The following ANKFN1 variants were observed in gnomAD, a reference collection of about 807,000 sequenced individuals.
The protein encoded by ANKFN1 is ankyrin repeat and fibronectin type-III domain-containing protein 1.
A neutral mutation model predicts 108.7 loss-of-function variants in ANKFN1; 74 were observed. The ratio of observed to expected loss-of-function variants is 0.68; its 90% CI spans 0.56 to 0.83. The LOEUF (loss-of-function observed/expected upper bound fraction) is 0.83. Ranked by LOEUF, ANKFN1 falls within the 40% of genes least tolerant of loss-of-function variation. The pLI, the probability that ANKFN1 is intolerant of heterozygous loss-of-function variation, is 0.00. For synonymous variants in ANKFN1, 547 were observed against 516.2 expected, an observed-to-expected ratio of 1.06 and a Z score of -0.81; for missense variants, 1,505 against 1,382.3, an observed-to-expected ratio of 1.09 and a Z score of -1.41.
chr17:56,188,571 GTGTGTGTGTGTA>G (rs1912500067), intron 1 of ANKFN1, among the ~76,000 whole-genome samples: 1 of 99,524 alleles, frequency 1.0e-5, no homozygotes, highest in African/African-American at 5.0e-5. Flanking sequence ...GTATGTGTGT[GTGTGTGTGTGTA>G]TATATATATA....
At chr17:56,456,401 C>CTTTTTTTT (rs397713657) in intron 11 of ANKFN1, among the ~76,000 whole-genome samples, 27 of 115,482 alleles carry the variant, frequency 2.3e-4, no homozygotes, top group African/African-American at 8.6e-4. Flanking sequence ...CTTTTTTTCT[C>CTTTTTTTT]TTTTTTTTTT....
intron 8 of ANKFN1, among the ~76,000 whole-genome samples, chr17:56,406,097 G>A (rs936319576): frequency 6.6e-6 from 1 of 152,086 alleles, no homozygotes; most frequent in East Asian, 1.9e-4. Context: ...GAGAGGAAAA[G>A]GCAATGGGAA....
chr17:56,285,166 C>T (rs997857972), intron 3 of ANKFN1, among the ~76,000 whole-genome samples: 2 of 152,148 alleles, frequency 1.3e-5, no homozygotes, highest in African/African-American at 4.8e-5. Context: ...ACACCAATGT[C>T]ATTTAGGGTG....
intron 11 of ANKFN1, among the ~76,000 whole-genome samples, chr17:56,452,356 C>T (rs1271962264): frequency 6.6e-6 from 1 of 152,154 alleles, no homozygotes; most frequent in Non-Finnish European, 1.5e-5. Flanking sequence ...ATAGAAGCCA[C>T]AAGGTTCTTA....
intron 4 of ANKFN1, among the ~76,000 whole-genome samples, chr17:56,130,159 C>T (rs1907191030): frequency 6.6e-6 from 1 of 152,150 alleles, no homozygotes; most frequent in South Asian, 2.1e-4. Context: ...GTTGTTAAAC[C>T]TCTCCCAGGC....
intron 4 of ANKFN1, among the ~76,000 whole-genome samples, chr17:56,343,996 TG>T (rs2046030479): frequency 6.6e-6 from 1 of 152,032 alleles, no homozygotes; most frequent in South Asian, 2.1e-4. Context: ...TCTTTGGGTA[TG>T]GTTTAGCTCT....
At chr17:56,343,033 C>T (rs62075293) in intron 4 of ANKFN1, among the ~76,000 whole-genome samples, 10,606 of 151,918 alleles carry the variant, frequency 0.07, 489 homozygotes, top group Middle Eastern at 0.13. Flanking sequence ...TGAATTGAAC[C>T]CTTTACCATT....
At chr17:56,399,278 T>C (rs969211727) in intron 8 of ANKFN1, among the ~76,000 whole-genome samples, 5 of 151,982 alleles carry the variant, frequency 3.3e-5, no homozygotes, top group Admixed American at 2.0e-4. Flanking sequence ...ATGGGAGAAA[T>C]CTTTTATAAC....
intron 3 of ANKFN1, among the ~76,000 whole-genome samples, chr17:56,285,427 A>G (rs2044189387): frequency 6.6e-6 from 1 of 152,106 alleles, no homozygotes; most frequent in Non-Finnish European, 1.5e-5. Flanking sequence ...TCCATACATA[A>G]TAAACTCCAG....
chr17:56,466,322 C>A (rs756392354), intron 14 of ANKFN1, 34 bp from the exon 15 acceptor site: 3 of 1,556,008 alleles, frequency 1.9e-6, no homozygotes, highest in Admixed American at 1.7e-5. Flanking sequence ...TAGCATAATA[C>A]CCTCTATGCT....
intron 4 of ANKFN1, among the ~76,000 whole-genome samples, chr17:56,082,945 G>T (rs1192619994): frequency 6.6e-6 from 1 of 151,394 alleles, no homozygotes. Context: ...TTCTTCCTGA[G>T]TGGTTGCAGA....
At chr17:56,062,213 T>G (rs1904986467) in intron 4 of ANKFN1, among the ~76,000 whole-genome samples, 1 of 152,184 alleles carries the variant, frequency 6.6e-6, no homozygotes, top group African/African-American at 2.4e-5. Flanking sequence ...TTCTGTTGAT[T>G]TGGAGTGGAG....
chr17:56,381,474 G>A (rs972863027), intron 8 of ANKFN1, among the ~76,000 whole-genome samples: 3 of 152,158 alleles, frequency 2.0e-5, no homozygotes, highest in East Asian at 1.9e-4. Flanking sequence ...GGCATCAGAC[G>A]ATCAAACTAC....
intron 3 of ANKFN1, among the ~76,000 whole-genome samples, chr17:56,311,850 A>G (rs189257605): frequency 6.6e-6 from 1 of 152,324 alleles, no homozygotes; most frequent in African/African-American, 2.4e-5. Context: ...TCCAAGAAAA[A>G]ATCCAAAATC....
intron 4 of ANKFN1, among the ~76,000 whole-genome samples, chr17:56,057,494 A>G (rs1475873886): frequency 2.6e-5 from 4 of 152,312 alleles, no homozygotes; most frequent in South Asian, 4.1e-4. Flanking sequence ...CTTAAATAGT[A>G]AGACTTGAAG....
chr17:56,079,689 G>A (rs1205033739), intron 4 of ANKFN1, among the ~76,000 whole-genome samples: 3 of 152,228 alleles, frequency 2.0e-5, no homozygotes, highest in African/African-American at 4.8e-5. Flanking sequence ...GCTCTAGGCA[G>A]ATAAAGAGTT....
intron 4 of ANKFN1, among the ~76,000 whole-genome samples, chr17:56,072,498 C>T (rs908375121): frequency 3.9e-5 from 6 of 152,146 alleles, no homozygotes; most frequent in African/African-American, 9.7e-5. Flanking sequence ...ATTCCCAGAA[C>T]CCCCGTTCAT....
intron 3 of ANKFN1, among the ~76,000 whole-genome samples, chr17:56,314,435 T>G (rs1486189738): frequency 2.0e-5 from 3 of 152,250 alleles, no homozygotes; most frequent in Non-Finnish European, 2.9e-5. Context: ...ACTCTTGGTT[T>G]TAGCCATCAT....
chr17:56,095,293 CTT>C (rs150218476), intron 4 of ANKFN1, among the ~76,000 whole-genome samples: 2 of 138,808 alleles, frequency 1.4e-5, no homozygotes, highest in Non-Finnish European at 3.1e-5. Context: ...GAATGCTTTA[CTT>C]TTTTTTTTTT....
Sources: gnomAD v4.1 joint callset for allele counts (sites outside exome capture counted in the v4.1 genomes callset) on GRCh38, gnomAD v4.1.1 for gene constraint, MANE v1.5 for transcripts, NCBI Gene and HGNC (gene_info 2026-07-23, HGNC 2026-07-21) for gene names.